Variants in LRIF1 observed in about 807,000 individuals in gnomAD.
LRIF1 encodes ligand-dependent nuclear receptor-interacting factor 1.
LRIF1 carries 32 observed loss-of-function variants against 52.7 expected under a neutral mutation model. The observed-to-expected ratio is 0.61, with a 90% CI of 0.46 to 0.82. LRIF1 has a LOEUF of 0.82. LRIF1 is among the 40% of genes least tolerant of loss of function. LRIF1 has a pLI of 0.00. For synonymous variants in LRIF1, 323 were observed against 317.4 expected (o/e 1.02, Z -0.19); for missense variants, 887 against 892.0 (o/e 0.99, Z 0.07).
chr1:110,896,485 A>T, the LRIF1 span, among the ~76,000 whole-genome samples: 1 of 152,212 alleles, frequency 6.6e-6, no homozygotes, highest in Non-Finnish European at 1.5e-5. Flanking sequence ...ATGAAATGGT[A>T]TAACAGATTA....
the LRIF1 span, among the ~76,000 whole-genome samples, chr1:110,901,864 C>T: frequency 6.6e-6 from 1 of 152,190 alleles, no homozygotes; most frequent in African/African-American, 2.4e-5. Context: ...TCCAAATCTG[C>T]TTCTCTTCTT....
downstream of LRIF1, among the ~76,000 whole-genome samples, chr1:110,945,650 C>T (rs1370943855): frequency 6.6e-6 from 1 of 152,232 alleles, no homozygotes; most frequent in East Asian, 1.9e-4. Context: ...TGGTCTCAAA[C>T]TCCTTACCTC....
In LRIF1 at chr1:110,963,794, C is replaced by CTGTGGGCAACT; in HGVS notation, c.-107_-106insAGTTGCCCACA. 5 of 871,832 alleles carry CTGTGGGCAACT rather than the reference C, an allele frequency of 5.7e-6. No homozygotes were observed. Among genetic ancestry groups the CTGTGGGCAACT allele is most frequent in the Non-Finnish European group, 9.1e-6 (5 of 548,124 alleles). 54.0% of individuals were successfully genotyped at this position (871,832 alleles called of 1,614,324 possible). A position where few individuals can be genotyped will look rare whatever the true frequency, so the allele number is the denominator to read the frequency against. Reference sequence around the variant, plus strand: ...GCGAGGGAATGTTGGGCTGGAGTTGCCCACAGCAACTGTGAGGGGTTCGAC... The same window carrying CTGTGGGCAACT: ...GCGAGGGAATGTTGGGCTGGAGTTGCTGTGGGCAACTCCACAGCAACTGTGAGGGGTTCGAC... On this transcript the variant is annotated 5_prime_UTR_variant, in exon 1 of 4. Transcript: ENST00000369763.
chr1:110,891,330 A>C, the LRIF1 span: 3 of 1,117,202 alleles, frequency 2.7e-6, no homozygotes, highest in Non-Finnish European at 4.1e-6. Flanking sequence ...ACATTTGTGC[A>C]CTCTGATCTC....
chr1:110,950,963 A>G (rs913599490), intron 2 of LRIF1, among the ~76,000 whole-genome samples: 2 of 152,102 alleles, frequency 1.3e-5, no homozygotes, highest in East Asian at 1.9e-4. Flanking sequence ...ATATACTCAC[A>G]TATTTTTACT....
Position 110,952,645 on chromosome 1 carries a change from A to T in LRIF1, c.239T>A (p.Phe80Tyr). 3 of 1,614,134 alleles carry T rather than the reference A, an allele frequency of 1.9e-6. No homozygotes were observed. In the East Asian group the frequency reaches 6.7e-5, roughly 36 times the overall value. ...GGAAGAGCTGGAAATCTGAGTCTGAAAAGTAACTTGAACTGGTTTTCCTGT... is the reference window on the plus strand; with the variant it reads ...GGAAGAGCTGGAAATCTGAGTCTGATAAGTAACTTGAACTGGTTTTCCTGT... ...GNTGKPVQVT[F>Y]QTQISSSSTS... is the part of the protein sequence containing the mutation. Residue 80 changes from phenylalanine (F) to tyrosine (Y), a missense_variant, in exon 2 of 4, where the codon TTT (phenylalanine) becomes TAT (tyrosine). Physicochemically the swap from Phe to Tyr is conservative, Grantham distance 22. Transcript: ENST00000369763.
At chr1:110,904,428 T>C in the LRIF1 span, among the ~76,000 whole-genome samples, 2 of 152,004 alleles carry the variant, frequency 1.3e-5, no homozygotes, top group Non-Finnish European at 2.9e-5. Flanking sequence ...TTTAGATGGC[T>C]CAGAACAGAA....
At chr1:110,961,641 G>A (rs1250227968) in intron 1 of LRIF1, among the ~76,000 whole-genome samples, 1 of 151,938 alleles carries the variant, frequency 6.6e-6, no homozygotes, top group East Asian at 1.9e-4. Context: ...GCAGTAACAG[G>A]AAATATTTAA....
At chr1:110,915,029 C>G in the LRIF1 span, among the ~76,000 whole-genome samples, 1 of 152,020 alleles carries the variant, frequency 6.6e-6, no homozygotes, top group South Asian at 2.1e-4. Flanking sequence ...TTTTAACTAC[C>G]CGTGACTAGA....
the LRIF1 span, chr1:110,897,808 G>A: frequency 1.9e-6 from 3 of 1,587,716 alleles, no homozygotes; most frequent in Non-Finnish European, 2.6e-6. Flanking sequence ...ATGTCTTCTA[G>A]GGTTGCTATG....
chr1:110,931,018 G>T, the LRIF1 span, among the ~76,000 whole-genome samples: 28 of 151,840 alleles, frequency 1.8e-4, no homozygotes, highest in Non-Finnish European at 7.4e-5. Flanking sequence ...AAGTTCTAGG[G>T]TACATGTGCA....
the LRIF1 span, among the ~76,000 whole-genome samples, chr1:110,887,550 T>G: frequency 2.6e-5 from 4 of 152,232 alleles, no homozygotes; most frequent in Admixed American, 2.6e-4. Flanking sequence ...TAAATCTTAT[T>G]GAGCTTTGTT....
chr1:110,891,094 C>T, the LRIF1 span, among the ~76,000 whole-genome samples: 1 of 152,260 alleles, frequency 6.6e-6, no homozygotes, highest in African/African-American at 2.4e-5. Context: ...AAGCACTGGC[C>T]TGGTCTCTGT....
Position 110,952,055 on chromosome 1 carries a change from G to T in LRIF1, c.829C>A (p.Gln277Lys). ...QIPKNVATET[Q>K]LKGGQHSQAA... ...TGAGAATGCTGACCACCTTTCAATT[G>T]TGTCTCTGTAGCAACATTCTTTGGA... The change falls in exon 2 of 4, where the codon CAA (glutamine) becomes AAA (lysine). Residue 277 changes from glutamine (Q) to lysine (K), a missense_variant. Coordinates refer to ENST00000369763, the MANE Select transcript of LRIF1 (RefSeq NM_018372.4). 6.2e-7 allele frequency: 1 copy of T among 1,614,184 alleles called. No individual in the cohort carries two copies. The highest frequency in any genetic ancestry group is 1.3e-5 in the African/African-American group (1 of 75,048).
chr1:110,953,780 C>A (rs1408122301), intron 1 of LRIF1, among the ~76,000 whole-genome samples: 1 of 152,172 alleles, frequency 6.6e-6, no homozygotes, highest in Non-Finnish European at 1.5e-5. Flanking sequence ...CCTAGGTACG[C>A]CTCACCCAAC....
chr1:110,889,419 C>T, the LRIF1 span, among the ~76,000 whole-genome samples: 11,817 of 151,798 alleles, frequency 0.078, 492 homozygotes, highest in East Asian at 0.17. Context: ...ATTAGCCGGG[C>T]GTGGTGACGG....
the LRIF1 span, chr1:110,894,247 C>T: frequency 8.1e-7 from 1 of 1,239,770 alleles, no homozygotes. Flanking sequence ...GTGCAAATGC[C>T]CCTGGATGCT....
chr1:110,887,157 G>A, the LRIF1 span, among the ~76,000 whole-genome samples: 5 of 151,756 alleles, frequency 3.3e-5, no homozygotes, highest in East Asian at 1.9e-4. Context: ...TCCGTCTCCC[G>A]GGTTCACGCC....
At chr1:110,944,867 A>C (rs1055605163), downstream of LRIF1, 3 of 151,850 alleles carry the variant, frequency 2.0e-5, no homozygotes, top group African/African-American at 7.3e-5. Flanking sequence ...TAGAGATGAA[A>C]ACACTGAAAG....
Sources: gnomAD v4.1 joint callset for allele counts (sites outside exome capture counted in the v4.1 genomes callset) on GRCh38, gnomAD v4.1.1 for gene constraint, MANE v1.5 for transcripts, NCBI Gene and HGNC (gene_info 2026-07-23, HGNC 2026-07-21) for gene names.